The following ANK3 variants were observed in gnomAD, a reference collection of about 807,000 sequenced individuals.
The protein encoded by ANK3 is ankyrin-3.
A neutral mutation model predicts 370.9 loss-of-function variants in ANK3; 57 were observed. The ratio of observed to expected loss-of-function variants is 0.15; its 90% confidence interval spans 0.12 to 0.19. The LOEUF is 0.19. Among genes scored for constraint, ANK3 ranks in the 10% least tolerant of loss-of-function variants. The pLI, the probability that ANK3 is intolerant of heterozygous loss-of-function variation, is 1.00. For synonymous variants in ANK3, 1,929 were observed against 1,946.3 expected, an observed-to-expected ratio of 0.99 and a Z score of 0.23; for missense variants, 4,439 against 5,302.1, an observed-to-expected ratio of 0.84 and a Z score of 5.06.
intron 1 of ANK3, among the ~76,000 whole-genome samples, chr10:60,375,040 C>G (rs149626998): frequency 6.6e-6 from 1 of 152,050 alleles, no homozygotes; most frequent in Non-Finnish European, 1.5e-5. Context: ...CGTATATACA[C>G]GCACAGAAAA....
rs368715875 is a variant in ANK3, at chr10:60,632,396, G to GA, written c.58-17173dup. Among the ~76,000 whole-genome samples the GA allele has an allele frequency of 7.0e-3, 1,017 of 145,846 alleles. 7 individuals are homozygous for GA. The highest frequency in any genetic ancestry group is 0.01 in the Non-Finnish European group (671 of 65,970). On this transcript the variant is annotated intron_variant, in intron 1 of 43. Transcript: ENST00000373827. ...CAAAAATCTTGACTGTTAGCAAAAA[G>GA]AAAAAAAAAACAGATTTAGGAAAGC...
intron 2 of ANK3, among the ~76,000 whole-genome samples, chr10:60,417,078 G>T (rs2063684296): frequency 6.6e-6 from 1 of 152,218 alleles, no homozygotes; most frequent in African/African-American, 2.4e-5. Context: ...GAGGCAGGAA[G>T]ACCTAATGGA....
intron 1 of ANK3, among the ~76,000 whole-genome samples, chr10:60,634,629 C>A (rs147361695): frequency 6.6e-6 from 1 of 152,070 alleles, no homozygotes; most frequent in African/African-American, 2.4e-5. Context: ...GCAGCAGCAA[C>A]CAGCTCGGGT....
intron 2 of ANK3, among the ~76,000 whole-genome samples, chr10:60,446,745 C>T (rs565352930): frequency 3.9e-5 from 6 of 152,014 alleles, no homozygotes; most frequent in Admixed American, 6.6e-5. Context: ...TTTATCTGTG[C>T]GAAAGAGGCT....
At chr10:60,555,968 A>C (rs1409254956) in intron 2 of ANK3, among the ~76,000 whole-genome samples, 3 of 152,180 alleles carry the variant, frequency 2.0e-5, no homozygotes, top group African/African-American at 7.2e-5. Flanking sequence ...GCCTTTATGA[A>C]AGGAAATTCC....
At chr10:60,043,308 T>C (rs749990741) in intron 42 of ANK3, 48 of 985,262 alleles carry the variant, frequency 4.9e-5, no homozygotes, top group Non-Finnish European at 5.5e-5. Context: ...AAATACTCAG[T>C]TTTTACCCAA....
intron 1 of ANK3, among the ~76,000 whole-genome samples, chr10:60,374,729 G>T (rs1170669037): frequency 1.3e-5 from 2 of 152,144 alleles, no homozygotes; most frequent in Non-Finnish European, 2.9e-5. Context: ...AAGATGAAGT[G>T]CTGTTGTCCT....
chr10:60,562,867 T>C (rs905427030), intron 2 of ANK3, among the ~76,000 whole-genome samples: 12 of 152,246 alleles, frequency 7.9e-5, no homozygotes, highest in Admixed American at 7.2e-4. Context: ...AACTCCATTG[T>C]ATGTGCTAAT....
In ANK3 at chr10:60,675,459, G is replaced by T. The variant is rs757222722; in HGVS notation, c.57+57804C>A. ...GTGACCATTCCAGTCCACACAATTT[G>T]TCTTCTAAATTTGTGCAAAAGATAG... is the stretch of plus-strand genomic sequence containing the variant. On this transcript the variant is annotated intron_variant, in intron 1 of 43. Transcript: ENST00000373827. 1.2e-3 allele frequency among the ~76,000 whole-genome samples: 182 copies of T among 152,234 alleles called. 3 individuals are homozygous for T. The highest frequency in any genetic ancestry group is 3.4e-3 in the Middle Eastern group (1 of 294).
chr10:60,129,162 AT>A (rs1311403766), intron 25 of ANK3, among the ~76,000 whole-genome samples: 1 of 152,218 alleles, frequency 6.6e-6, no homozygotes, highest in African/African-American at 2.4e-5. Context: ...TGACATACCA[AT>A]ACACACCAAG....
At chr10:60,300,181 C>A (rs1272146121) in intron 1 of ANK3, 3 of 444,526 alleles carry the variant, frequency 6.7e-6, no homozygotes, top group Non-Finnish European at 1.3e-5. Flanking sequence ...ACATATTTAA[C>A]TCAAGTGATC....
At chr10:60,670,649 C>T (rs549378087) in intron 1 of ANK3, among the ~76,000 whole-genome samples, 4 of 152,218 alleles carry the variant, frequency 2.6e-5, no homozygotes, top group African/African-American at 9.6e-5. Flanking sequence ...GAGTGGCTTC[C>T]CGTTTGTGAC....
At position 60,074,764 on chromosome 10, in the gene ANK3, A is replaced by G; in HGVS notation, c.6117T>C (p.Asn2039=). The G allele has an allele frequency of 1.2e-6, 2 of 1,614,010 alleles. No individual in the cohort carries two copies. The highest frequency in any genetic ancestry group is 1.7e-6 in the Non-Finnish European group (2 of 1,179,990). ...NLTKVIDYLT[N]DIGSSSLTNL... ...TTGTCAGTGAACTACTCCCAATATCATTTGTTAGGTAATCAATAACTTTGG... is the reference window on the plus strand; with the variant it reads ...TTGTCAGTGAACTACTCCCAATATCGTTTGTTAGGTAATCAATAACTTTGG... Residue 2039 remains asparagine, a synonymous_variant, in exon 37 of 44, where the codon AAT becomes AAC. Transcript: ENST00000280772.
chr10:60,645,489 C>G (rs1168439321), intron 1 of ANK3, among the ~76,000 whole-genome samples: 1 of 152,084 alleles, frequency 6.6e-6, no homozygotes, highest in East Asian at 1.9e-4. Flanking sequence ...CTTTGGGAGG[C>G]TGAAACTGGG....
Position 60,581,074 on chromosome 10 carries a change from T to C in ANK3, c.96+34112A>G, listed in dbSNP as rs528866236. Among the ~76,000 whole-genome samples, 15 of 152,372 alleles carry C rather than the reference T, an allele frequency of 9.8e-5. No individual in the cohort carries two copies. The East Asian group carries it at 2.5e-3, about 25-fold the overall frequency. ...TATCAACTCATATGTATGTCTTATG[T>C]GCCAGCACAGGGCCTGGTACAGACG... On this transcript the variant is annotated intron_variant, in intron 2 of 43. Coordinates refer to the ANK3 transcript ENST00000373827.
At chr10:60,664,087 C>T (rs113998126) in intron 1 of ANK3, among the ~76,000 whole-genome samples, 2 of 152,324 alleles carry the variant, frequency 1.3e-5, no homozygotes, top group African/African-American at 4.8e-5. Context: ...AGCTTCCCAC[C>T]GCGCTGTCAG....
intron 1 of ANK3, among the ~76,000 whole-genome samples, chr10:60,670,519 T>C (rs58876657): frequency 0.34 from 51,018 of 151,986 alleles, 8,778 homozygotes; most frequent in African/African-American, 0.38. Flanking sequence ...TTTGGATTAC[T>C]GCAATAGGTT....
rs565140737 is a variant in ANK3 at position 60,151,665 on chromosome 10, A to C, written c.2615-12578T>G. 2.6e-5 allele frequency among the ~76,000 whole-genome samples: 4 copies of C among 152,314 alleles called. No individual in the cohort carries two copies. The East Asian group carries it at 7.7e-4, about 29-fold the overall frequency. On this transcript the variant is annotated intron_variant, in intron 23 of 43. Transcript: ENST00000280772. Reference sequence around the variant, plus strand: ...AGCCTGCAGAACTGTGAGCCAAAATAAACCTCTTTTCATTATAAATTACCC... The same window carrying C: ...AGCCTGCAGAACTGTGAGCCAAAATCAACCTCTTTTCATTATAAATTACCC...
chr10:60,344,559 T>C (rs569823852), intron 1 of ANK3, among the ~76,000 whole-genome samples: 2 of 152,284 alleles, frequency 1.3e-5, no homozygotes, highest in African/African-American at 4.8e-5. Flanking sequence ...CACGGGCCAT[T>C]ATAAAGAACA....
Sources: gnomAD v4.1 joint callset for allele counts (sites outside exome capture counted in the v4.1 genomes callset) on GRCh38, gnomAD v4.1.1 for gene constraint, MANE v1.5 for transcripts, NCBI Gene and HGNC (gene_info 2026-07-23, HGNC 2026-07-21) for gene names.